The following VPS13B variants were observed in gnomAD, a reference collection of about 807,000 sequenced individuals.
VPS13B encodes vacuolar protein sorting 13 homolog B.
A neutral mutation model predicts 426.4 loss-of-function variants in VPS13B; 285 were observed. The observed-to-expected ratio is 0.67, with a 90% confidence interval of 0.61 to 0.74. The LOEUF is 0.74. Ranked by LOEUF, VPS13B falls within the 30% of genes least tolerant of loss-of-function variation. VPS13B has a pLI of 0.00. For synonymous variants in VPS13B, 1,676 were observed against 1,676.4 expected, an observed-to-expected ratio of 1.00 and a Z score of 0.01; for missense variants, 4,537 against 4,782.6, an observed-to-expected ratio of 0.95 and a Z score of 1.51.
intron 2 of VPS13B, among the ~76,000 whole-genome samples, chr8:99,034,070 A>T (rs1842633495): frequency 6.6e-6 from 1 of 152,014 alleles, no homozygotes; most frequent in Non-Finnish European, 1.5e-5. Context: ...GTTTGTTGTA[A>T]ATTGGACATT....
At chr8:99,504,952 C>A (rs1170422964) in intron 27 of VPS13B, among the ~76,000 whole-genome samples, 1 of 151,910 alleles carries the variant, frequency 6.6e-6, no homozygotes, top group East Asian at 1.9e-4. Context: ...TGAGCTACAT[C>A]TTTTGTATAA....
In VPS13B at chr8:99,738,893, T is replaced by C. The variant is rs571830710; in HGVS notation, c.7050+17846T>C. Among the ~76,000 whole-genome samples, 4 of 152,318 alleles carry C rather than the reference T, an allele frequency of 2.6e-5. No homozygotes were observed. In the South Asian group the frequency reaches 8.3e-4, roughly 32 times the overall value. On this transcript the variant is annotated intron_variant, in intron 39 of 61. Transcript: ENST00000357162. ...CAGCTCCAGTCTAGAGCTCCCAGCA[T>C]GAGCAACACAGAAGATGGGTGATTT... is the stretch of plus-strand genomic sequence containing the variant.
chr8:99,712,759 CAAAAAAAAAA>C (rs386360840), intron 36 of VPS13B, among the ~76,000 whole-genome samples: 1 of 98,146 alleles, frequency 1.0e-5, no homozygotes, highest in Non-Finnish European at 2.3e-5. Flanking sequence ...GTCCCCAAGC[CAAAAAAAAAA>C]AAAAAAATAG....
chr8:99,252,902 A>G (rs1032713183), intron 17 of VPS13B, among the ~76,000 whole-genome samples: 112 of 152,254 alleles, frequency 7.4e-4, no homozygotes, highest in African/African-American at 2.6e-3. Context: ...TAGCAAATTC[A>G]TATAGCTGTG....
rs532345233 is a variant in VPS13B, at chr8:99,492,298, C to T, written c.3871-9389C>T. On this transcript the variant is annotated intron_variant, in intron 25 of 61. Coordinates refer to ENST00000357162, the MANE Select transcript of VPS13B (RefSeq NM_152564.5). Reference sequence around the variant, plus strand: ...TCTGTCGGCCCCTACTGGGAGGTGTCTCTTGGTCAGGCTACACGGGCGTCA... The same window carrying T: ...TCTGTCGGCCCCTACTGGGAGGTGTTTCTTGGTCAGGCTACACGGGCGTCA... 7.2e-5 allele frequency among the ~76,000 whole-genome samples: 11 copies of T among 152,312 alleles called. 1 individual carries two copies. The South Asian group carries it at 2.3e-3, about 32-fold the overall frequency.
chr8:99,651,766 T>C (rs576769458), intron 34 of VPS13B, among the ~76,000 whole-genome samples: 18 of 152,310 alleles, frequency 1.2e-4, no homozygotes, highest in South Asian at 6.2e-4. Flanking sequence ...CAAAAAGTCA[T>C]TTTTCTTCTT....
chr8:99,099,350 C>T (rs1846606040), intron 4 of VPS13B, among the ~76,000 whole-genome samples: 1 of 152,052 alleles, frequency 6.6e-6, no homozygotes, highest in Non-Finnish European at 1.5e-5. Flanking sequence ...AATTTTACAC[C>T]AAAAACTTGA....
chr8:99,170,174 C>T lies in VPS13B; in HGVS notation c.2333+11C>T. On this transcript the variant is annotated intron_variant, in intron 16 of 61. Coordinates refer to ENST00000357162, the MANE Select transcript of VPS13B (RefSeq NM_152564.5). ...ACTCCCCACATGCTGGTAAGTCTTA[C>T]ATGTTAAAATGTGATTTATGTTAAT... The T allele has an allele frequency of 6.2e-7, 1 of 1,611,734 alleles. No homozygotes were observed. Among genetic ancestry groups the T allele is most frequent in the Non-Finnish European group, 8.5e-7 (1 of 1,178,352 alleles).
In VPS13B at chr8:99,274,257, A is replaced by C; in HGVS notation, c.2575A>C (p.Lys859Gln). Reference protein sequence around the residue: ...LEGSIQNVELKYCSTSLVKCA... With the variant: ...LEGSIQNVELQYCSTSLVKCA... The stretch of plus-strand genomic sequence containing the variant: ...GGGCTCAATCCAGAATGTTGAATTG[A>C]AGTACTGCAGCACATCATTGGTCAA... Residue 859 changes from lysine to glutamine, a missense_variant, in exon 18 of 62, where the codon AAG (lysine) becomes CAG (glutamine). By Grantham distance (53) the Lys-to-Gln change is moderately conservative. This residue lies in a region of VPS13B where 4,311 missense variants were observed against 4,474.3 expected (regional missense o/e 0.96). Coordinates refer to ENST00000357162, the MANE Select transcript of VPS13B (RefSeq NM_152564.5). 6.2e-7 allele frequency: 1 copy of C among 1,614,180 alleles called. No individual in the cohort carries two copies. The highest frequency in any genetic ancestry group is 8.5e-7 in the Non-Finnish European group (1 of 1,180,016).
At chr8:99,818,268 ACTCACTG>A (rs1318922287) in intron 45 of VPS13B, among the ~76,000 whole-genome samples, 176 bp from the exon 46 acceptor site, 1 of 151,932 alleles carries the variant, frequency 6.6e-6, no homozygotes, top group Non-Finnish European at 1.5e-5. Flanking sequence ...GGCCCCGCTG[ACTCACTG>A]CACATTTGCT....
At chr8:99,542,090 C>A (rs1588478035) in intron 30 of VPS13B, among the ~76,000 whole-genome samples, 1 of 152,196 alleles carries the variant, frequency 6.6e-6, no homozygotes, top group African/African-American at 2.4e-5. Context: ...GGGGTTTCAC[C>A]GTGTTAGCCA....
chr8:99,506,135 A>G (rs2133621800), intron 27 of VPS13B, among the ~76,000 whole-genome samples: 1 of 152,316 alleles, frequency 6.6e-6, no homozygotes, highest in African/African-American at 2.4e-5. Context: ...GTATAGAGAT[A>G]TACAATACAA....
At chr8:99,146,798 C>G (rs1810752952) in intron 13 of VPS13B, among the ~76,000 whole-genome samples, 1 of 151,968 alleles carries the variant, frequency 6.6e-6, no homozygotes. Context: ...ATCTTGAACT[C>G]CTGGGCTCAA....
intron 2 of VPS13B, among the ~76,000 whole-genome samples, chr8:99,020,750 T>C (rs1013743981): frequency 1.3e-5 from 2 of 152,240 alleles, no homozygotes; most frequent in African/African-American, 4.8e-5. Flanking sequence ...CATTTGACCA[T>C]AGATGTGAGA....
Position 99,875,765 on chromosome 8 carries a change from G to A in VPS13B, c.*99G>A. The A allele has an allele frequency of 6.6e-7, 1 of 1,508,400 alleles. No homozygotes were observed. Among genetic ancestry groups the A allele is most frequent in the South Asian group, 1.2e-5 (1 of 86,484 alleles). 93.4% of individuals were successfully genotyped at this position (1,508,400 alleles called of 1,614,324 possible). A position where few individuals can be genotyped will look rare whatever the true frequency, so the allele number is the denominator to read the frequency against. ...TTGCCCTTGCTGACCTCAAATTCTG[G>A]GGTTCAAGCAATCCTCCCACCTCAA... On this transcript the variant is annotated 3_prime_UTR_variant, in exon 62 of 62. Coordinates refer to ENST00000357162, the MANE Select transcript of VPS13B (RefSeq NM_152564.5).
At chr8:99,295,568 T>C (rs1190465210) in intron 19 of VPS13B, among the ~76,000 whole-genome samples, 1 of 152,194 alleles carries the variant, frequency 6.6e-6, no homozygotes, top group Non-Finnish European at 1.5e-5. Context: ...ACCTTAAATA[T>C]TCTCAGAACA....
At chr8:99,348,902 A>G (rs1165821803) in intron 19 of VPS13B, among the ~76,000 whole-genome samples, 17 of 152,138 alleles carry the variant, frequency 1.1e-4, no homozygotes. Flanking sequence ...CATGCTGCCA[A>G]TTGCCCACTT....
At chr8:99,411,883 A>G (rs1588345420) in intron 21 of VPS13B, among the ~76,000 whole-genome samples, 1 of 151,160 alleles carries the variant, frequency 6.6e-6, no homozygotes, top group Non-Finnish European at 1.5e-5. Context: ...GTGTGGTGTT[A>G]TTTCTGCTCT....
chr8:99,060,991 T>TA (rs1275537065), intron 3 of VPS13B, among the ~76,000 whole-genome samples: 4 of 152,190 alleles, frequency 2.6e-5, no homozygotes, highest in Non-Finnish European at 2.9e-5. Flanking sequence ...AGTGCAAATA[T>TA]AACCTTAATT....
Sources: gnomAD v4.1 joint callset for allele counts (sites outside exome capture counted in the v4.1 genomes callset) on GRCh38, gnomAD v4.1.1 for gene constraint, gnomAD v4.1.1 regional missense constraint, MANE v1.5 for transcripts, NCBI Gene and HGNC (gene_info 2026-07-23, HGNC 2026-07-21) for gene names.